GLIS2: variants seen among roughly 807,000 people sequenced by gnomAD.
GLIS2 encodes the protein GLIS family zinc finger 2, also known as zinc finger protein GLIS2.
Under a neutral mutation model 35.6 loss-of-function variants are expected in GLIS2, and 14 were observed. The ratio of observed to expected loss-of-function variants is 0.39; its 90% confidence interval spans 0.26 to 0.61. The LOEUF (loss-of-function observed/expected upper bound fraction) is 0.61. Ranked by LOEUF, GLIS2 falls within the 20% of genes least tolerant of loss-of-function variation. The probability of loss-of-function intolerance (pLI) is 0.48; values close to 1 mark genes in which losing one functional copy is unlikely to be tolerated. For missense variants in GLIS2, 675 were observed against 713.4 expected (o/e 0.95, Z 0.61); for synonymous variants, 368 against 325.1 (o/e 1.13, Z -1.42).
intron 1 of GLIS2, among the ~76,000 whole-genome samples, chr16:4,318,862 A>T (rs905949550): frequency 1.1e-4 from 16 of 152,208 alleles, no homozygotes; most frequent in African/African-American, 3.9e-4. Context: ...TGGAATCTGA[A>T]TTCCCCACTT....
At position 4,319,255 on chromosome 16, in the gene GLIS2, G is replaced by A. The variant is rs747169220; in HGVS notation, c.-67+3001G>A. Among the ~76,000 whole-genome samples the A allele has an allele frequency of 1.0e-3, 158 of 152,140 alleles. 1 individual carries two copies. Among genetic ancestry groups the A allele is most frequent in the Non-Finnish European group, 1.7e-3 (115 of 68,002 alleles). ...GTGACTGAGACCACAGGGGAACCCC[G>A]GAAGGTCCTGGGTGGTCTTCCCCTC... On this transcript the variant is annotated intron_variant, in intron 1 of 6. Transcript: ENST00000433375.
intron 1 of GLIS2, chr16:4,329,149 C>T (rs1307056949): frequency 6.6e-6 from 1 of 152,210 alleles, no homozygotes; most frequent in Non-Finnish European, 1.5e-5. Flanking sequence ...CTGGATTGCG[C>T]CTGTGTCTAA....
In GLIS2 at chr16:4,334,797, C is replaced by T. The variant is rs990927651; in HGVS notation, c.346-4C>T. Reference sequence around the variant, plus strand: ...CCTTGACTAGCCCTCCCCTCGCACCCCAGGACTTCCAGCCACTGCGCTATT... The same window carrying T: ...CCTTGACTAGCCCTCCCCTCGCACCTCAGGACTTCCAGCCACTGCGCTATT... On this transcript the variant is annotated splice_polypyrimidine_tract_variant and splice_region_variant and intron_variant, in intron 3 of 6. Transcript: ENST00000433375. The T allele has an allele frequency of 6.2e-7, 1 of 1,613,202 alleles. No homozygotes were observed. The highest frequency in any genetic ancestry group is 1.7e-5 in the Admixed American group (1 of 59,984).
chr16:4,326,543 GTGCACCC>G (rs2053432042), intron 1 of GLIS2: 1 of 152,206 alleles, frequency 6.6e-6, no homozygotes, highest in Non-Finnish European at 1.5e-5. Context: ...CAGCCCCCCA[GTGCACCC>G]TGCACCTCCA....
intron 6 of GLIS2, chr16:4,336,503 C>T (rs1031861970): frequency 8.2e-5 from 53 of 646,644 alleles, no homozygotes; most frequent in Admixed American, 2.2e-4. Flanking sequence ...GGGTGCAGGG[C>T]GAGGCTAGGC....
intron 1 of GLIS2, chr16:4,328,373 C>T (rs2053460715): frequency 6.6e-6 from 1 of 152,456 alleles, no homozygotes; most frequent in Non-Finnish European, 1.5e-5. Flanking sequence ...AACAAAAGCA[C>T]AGAGCAGAGC....
chr16:4,318,690 C>G (rs1047045114), intron 1 of GLIS2, among the ~76,000 whole-genome samples: 34 of 152,230 alleles, frequency 2.2e-4, no homozygotes, highest in African/African-American at 8.2e-4. Flanking sequence ...GGCCCCCACT[C>G]TCCCCTCCAC....
At chr16:4,331,039 C>T (rs750879966) in intron 1 of GLIS2, among the ~76,000 whole-genome samples, 6 of 152,094 alleles carry the variant, frequency 3.9e-5, no homozygotes, top group Non-Finnish European at 8.8e-5. Flanking sequence ...TGCAGTGGTG[C>T]GATCTCGGCT....
At chr16:4,317,527 C>T (rs1358769570) in intron 1 of GLIS2, among the ~76,000 whole-genome samples, 1 of 152,138 alleles carries the variant, frequency 6.6e-6, no homozygotes, top group African/African-American at 2.4e-5. Flanking sequence ...CCCCAAGCCC[C>T]ATTCTGGTGC....
Position 4,333,999 on chromosome 16 carries a change from T to A in GLIS2, c.345+480T>A, listed in dbSNP as rs554251797. Among the ~76,000 whole-genome samples, 128 of 152,308 alleles carry A rather than the reference T, an allele frequency of 8.4e-4. 2 individuals carry two copies. The highest frequency in any genetic ancestry group is 6.0e-3 in the Admixed American group (91 of 15,294). ...CTTCATTGCCCAGGCTGGAGGCCAG[T>A]GGCCCGGATCTCAGCTCACTGCAAC... On this transcript the variant is annotated intron_variant, in intron 3 of 6. Transcript: ENST00000433375.
Position 4,335,518 on chromosome 16 carries a change from C to A in GLIS2, c.775+125C>A. ...GGGCCTCAGAGATAAGGGTTGATGT[C>A]ATCGCCCAGGGGTCCCTTTTCCAAT... On this transcript the variant is annotated intron_variant, in intron 6 of 6. Coordinates refer to ENST00000433375, the MANE Select transcript of GLIS2 (RefSeq NM_032575.3). The surrounding 1 kb of genome is among the most constrained non-coding windows in gnomAD (Gnocchi z 4.6). 2.4e-6 allele frequency: 2 copies of A among 850,600 alleles called. No individual in the cohort carries two copies. The highest frequency in any genetic ancestry group is 3.8e-6 in the Non-Finnish European group (2 of 527,818). The allele number at this position is 850,600 out of a possible 1,614,324, so 52.7% of individuals were successfully genotyped here.
rs2053510625 is a variant in GLIS2, at chr16:4,332,633, G to T, written c.172+181G>T. 6.6e-6 allele frequency among the ~76,000 whole-genome samples: 1 copy of T among 152,236 alleles called. No homozygotes were observed. Among genetic ancestry groups the T allele is most frequent in the Non-Finnish European group, 1.5e-5 (1 of 68,038 alleles). ...GTATGTCTGCAGGGAGGTGGGAGCT[G>T]CAGTGCCCAGCTCACGTGGCTGGCA... On this transcript the variant is annotated intron_variant, in intron 2 of 6. Coordinates refer to ENST00000433375, the MANE Select transcript of GLIS2 (RefSeq NM_032575.3). This position sits in a 1 kb window ranked among gnomAD's most constrained non-coding sequence, Gnocchi z 5.4.
chr16:4,328,606 G>T (rs1007401369), intron 1 of GLIS2, among the ~76,000 whole-genome samples: 5 of 152,210 alleles, frequency 3.3e-5, no homozygotes, highest in African/African-American at 1.2e-4. Flanking sequence ...GCCGTGTGCC[G>T]GGCTCTGGCC....
In GLIS2 at chr16:4,330,586, T is replaced by C. The variant is rs1005413856; in HGVS notation, c.-66-1629T>C. ...GCTGTGCCCACTTTCTCGGTTTGCC[T>C]GGTGCGAGTTCCTTGGTGGTGAGCG... On this transcript the variant is annotated intron_variant, in intron 1 of 6. Transcript: ENST00000433375. Among the ~76,000 whole-genome samples the C allele has an allele frequency of 6.0e-4, 92 of 152,320 alleles. 2 individuals are homozygous for C. Among genetic ancestry groups the C allele is most frequent in the Non-Finnish European group, 5.9e-5 (4 of 68,024 alleles).
chr16:4,323,460 C>CGG (rs557237259), intron 1 of GLIS2, among the ~76,000 whole-genome samples: 5,011 of 152,184 alleles, frequency 0.033, 284 homozygotes, highest in African/African-American at 0.12. Context: ...GGGCAGGCAG[C>CGG]GGGGGGGTGG....
intron 1 of GLIS2, among the ~76,000 whole-genome samples, chr16:4,326,054 C>A (rs899444367): frequency 3.3e-5 from 5 of 150,722 alleles, no homozygotes; most frequent in African/African-American, 1.2e-4. Context: ...CTGGCTAACA[C>A]GGTGAAACCC....
intron 1 of GLIS2, among the ~76,000 whole-genome samples, chr16:4,321,053 G>C (rs556016288): frequency 6.6e-6 from 1 of 152,216 alleles, no homozygotes; most frequent in South Asian, 2.1e-4. Flanking sequence ...CAGAGTAGGC[G>C]AGCAGAGAGG....
At chr16:4,318,322 T>G (rs2053337490) in intron 1 of GLIS2, among the ~76,000 whole-genome samples, 1 of 151,980 alleles carries the variant, frequency 6.6e-6, no homozygotes, top group East Asian at 1.9e-4. Context: ...TCAGACCAGG[T>G]GAGCTCCCAG....
intron 1 of GLIS2, among the ~76,000 whole-genome samples, chr16:4,317,684 G>T (rs1313492940): frequency 1.3e-5 from 2 of 151,878 alleles, no homozygotes; most frequent in African/African-American, 2.4e-5. Context: ...CACCTGGGAG[G>T]CCCCTCCCAG....
Sources: allele counts gnomAD v4.1 joint callset (sites outside exome capture counted in the v4.1 genomes callset), GRCh38; gene constraint gnomAD v4.1.1; non-coding constraint Gnocchi (gnomAD v3.1); transcripts MANE v1.5; gene names NCBI Gene and HGNC (gene_info 2026-07-23, HGNC 2026-07-21).